SERPINA12: variants seen among roughly 807,000 people sequenced by gnomAD.
SERPINA12 encodes serpin family A member 12, also known as serpin A12.
Under a neutral mutation model 25.9 loss-of-function variants are expected in SERPINA12, and 21 were observed. The ratio of observed to expected loss-of-function variants is 0.81; its 90% CI spans 0.58 to 1.17. SERPINA12 has a LOEUF of 1.17. Among genes scored for constraint, SERPINA12 ranks in the 50% most tolerant of loss-of-function variants. The pLI is 0.00. For missense variants in SERPINA12, 562 were observed against 508.3 expected (o/e 1.11, Z -1.02); for synonymous variants, 220 against 196.0 (o/e 1.12, Z -1.02).
chr14:94,495,259 A>G (rs926278247), intron 3 of SERPINA12, among the ~76,000 whole-genome samples: 8 of 151,336 alleles, frequency 5.3e-5, no homozygotes, highest in Non-Finnish European at 1.0e-4. Flanking sequence ...TAGTAGAGAC[A>G]GGGTTTCACC....
chr14:94,495,530 G>A (rs769656018), intron 3 of SERPINA12, among the ~76,000 whole-genome samples: 4 of 152,194 alleles, frequency 2.6e-5, no homozygotes, highest in African/African-American at 4.8e-5. Context: ...TCTTGGTACC[G>A]TCCTTGGTGC....
chr14:94,494,243 ACATC>A (rs1245866705), intron 3 of SERPINA12, among the ~76,000 whole-genome samples: 1 of 152,134 alleles, frequency 6.6e-6, no homozygotes, highest in African/African-American at 2.4e-5. Flanking sequence ...ATCTCTCAAG[ACATC>A]TCTGTGAACT....
At chr14:94,491,048 T>C (rs1900159438) in intron 3 of SERPINA12, among the ~76,000 whole-genome samples, 1 of 152,126 alleles carries the variant, frequency 6.6e-6, no homozygotes, top group African/African-American at 2.4e-5. Context: ...GCCCAACGAC[T>C]CCCAAATTTA....
At position 94,498,361 on chromosome 14, in the gene SERPINA12, C is replaced by T; in HGVS notation, c.37G>A (p.Val13Ile). The T allele has an allele frequency of 6.2e-7, 1 of 1,614,030 alleles. No homozygotes were observed. Among genetic ancestry groups the T allele is most frequent in the Non-Finnish European group, 8.5e-7 (1 of 1,179,984 alleles). Residue 13 changes from valine to isoleucine, a missense_variant, in exon 2 of 5, where the codon GTT becomes ATT. Transcript: ENST00000677451. The part of the protein sequence containing the change: ...PTLGLAIFLA[V>I]LLTVKGLLKP... ...AGAAGACCTTTCACCGTGAGGAGAACAGCCAGAAAAATGGCCAGGCCTAGT... is the reference window on the plus strand; with the variant it reads ...AGAAGACCTTTCACCGTGAGGAGAATAGCCAGAAAAATGGCCAGGCCTAGT...
At chr14:94,501,234 G>T (rs777813748) in intron 1 of SERPINA12, 84 of 892,538 alleles carry the variant, frequency 9.4e-5, no homozygotes, top group Non-Finnish European at 1.1e-4. Context: ...CAGAGTGGGC[G>T]CAAGTTCCCA....
intron 1 of SERPINA12, among the ~76,000 whole-genome samples, chr14:94,499,643 T>C (rs977336931): frequency 2.0e-5 from 3 of 152,220 alleles, no homozygotes; most frequent in Non-Finnish European, 4.4e-5. Flanking sequence ...AGTAAAGGTT[T>C]TTCATGGTTG....
intron 1 of SERPINA12, among the ~76,000 whole-genome samples, chr14:94,506,960 G>A (rs371683538): frequency 2.0e-5 from 3 of 152,310 alleles, no homozygotes; most frequent in African/African-American, 7.2e-5. Context: ...CAGACAAGCT[G>A]ACCAATGGAA....
chr14:94,488,108 A>G (rs1899980514), intron 4 of SERPINA12, among the ~76,000 whole-genome samples: 1 of 152,216 alleles, frequency 6.6e-6, no homozygotes, highest in African/African-American at 2.4e-5. Flanking sequence ...AATCACAGCT[A>G]TCAGCAAACG....
upstream of SERPINA12, among the ~76,000 whole-genome samples, chr14:94,510,504 T>C (rs1181391216): frequency 6.6e-6 from 1 of 152,240 alleles, no homozygotes; most frequent in African/African-American, 2.4e-5. Flanking sequence ...TTTACACTGC[T>C]GGTGGGAATG....
At chr14:94,511,968 C>T (rs751421325), upstream of SERPINA12, among the ~76,000 whole-genome samples, 3 of 152,054 alleles carry the variant, frequency 2.0e-5, no homozygotes, top group Non-Finnish European at 4.4e-5. Context: ...AGTGGTGTCT[C>T]GCACCAGTGG....
chr14:94,495,409 A>G (rs916274953), intron 3 of SERPINA12, among the ~76,000 whole-genome samples: 1 of 152,134 alleles, frequency 6.6e-6, no homozygotes, highest in Non-Finnish European at 1.5e-5. Context: ...TCTAGATATA[A>G]GAGATGCATT....
In SERPINA12 at chr14:94,495,728, C is replaced by T. The variant is rs146905539; in HGVS notation, c.905+645G>A. On this transcript the variant is annotated intron_variant, in intron 3 of 4. Coordinates refer to ENST00000677451, the MANE Select transcript of SERPINA12 (RefSeq NM_001382267.1). ...TGCTCTGGCTACTAGAGGCCACTAG[C>T]CCAGCCACTTTCAAGGCACTATGTA... Among the ~76,000 whole-genome samples the T allele has an allele frequency of 4.3e-3, 658 of 152,228 alleles. 6 individuals carry two copies. Among genetic ancestry groups the T allele is most frequent in the African/African-American group, 0.014 (601 of 41,532 alleles).
intron 4 of SERPINA12, among the ~76,000 whole-genome samples, chr14:94,489,299 G>A (rs563795213): frequency 7.2e-5 from 11 of 152,252 alleles, no homozygotes; most frequent in African/African-American, 2.6e-4. Flanking sequence ...AAGAAAGACG[G>A]ATGTGGCCTT....
chr14:94,494,384 C>G (rs1156905041), intron 3 of SERPINA12, among the ~76,000 whole-genome samples: 1 of 152,220 alleles, frequency 6.6e-6, no homozygotes, highest in African/African-American at 2.4e-5. Flanking sequence ...TCACACGGAA[C>G]ATGGCTTGGA....
At chr14:94,501,713 T>G (rs1900735063) in intron 1 of SERPINA12, among the ~76,000 whole-genome samples, 1 of 110,692 alleles carries the variant, frequency 9.0e-6, no homozygotes, top group African/African-American at 3.5e-5. Context: ...CCTGGCCTGG[T>G]GGGGTCTCAG....
Position 94,514,887 on chromosome 14 carries a change from A to G in SERPINA12, c.-18+933T>C, listed in dbSNP as rs147636883. On this transcript the variant is annotated intron_variant, in intron 2 of 5. Transcript: ENST00000341228. Reference sequence around the variant, plus strand: ...CAAGGATTAGGCTGGATGTCAAGACAGGATTGCAGCCCAGTGGGAGAACAG... The same window carrying G: ...CAAGGATTAGGCTGGATGTCAAGACGGGATTGCAGCCCAGTGGGAGAACAG... Among the ~76,000 whole-genome samples the G allele has an allele frequency of 3.8e-3, 575 of 152,316 alleles. 2 individuals carry two copies. Among genetic ancestry groups the G allele is most frequent in the African/African-American group, 0.013 (543 of 41,578 alleles).
At chr14:94,495,452 A>T (rs1309234480) in intron 3 of SERPINA12, among the ~76,000 whole-genome samples, 1 of 152,162 alleles carries the variant, frequency 6.6e-6, no homozygotes, top group South Asian at 2.1e-4. Flanking sequence ...TTCTGCATGA[A>T]AAGAGTTGCA....
At chr14:94,492,291 T>C (rs566037344) in intron 3 of SERPINA12, among the ~76,000 whole-genome samples, 2 of 152,256 alleles carry the variant, frequency 1.3e-5, no homozygotes, top group Middle Eastern at 3.4e-3. Context: ...AGGCAACTGC[T>C]TCATGGTATT....
intron 2 of SERPINA12, 95 bp from the exon 3 acceptor site, chr14:94,496,738 G>A: frequency 2.9e-6 from 3 of 1,032,878 alleles, no homozygotes; most frequent in Non-Finnish European, 1.5e-6. Context: ...ACAGATTCAG[G>A]GTGAAAGGGG....
Sources: gnomAD v4.1 joint callset for allele counts (sites outside exome capture counted in the v4.1 genomes callset) on GRCh38, gnomAD v4.1.1 for gene constraint, MANE v1.5 for transcripts, NCBI Gene and HGNC (gene_info 2026-07-23, HGNC 2026-07-21) for gene names.